ESRRG: variants seen among roughly 807,000 people sequenced by gnomAD.
ESRRG encodes estrogen related receptor gamma.
A neutral mutation model predicts 44.0 loss-of-function variants in ESRRG; 13 were observed. That is an observed-to-expected ratio of 0.30 (90% CI 0.19 to 0.47). ESRRG has a LOEUF of 0.47. Ranked by LOEUF, ESRRG falls within the 20% of genes least tolerant of loss-of-function variation. The pLI, the probability that ESRRG is intolerant of heterozygous loss-of-function variation, is 1.00. For missense variants in ESRRG, 395 were observed against 580.6 expected (o/e 0.68, Z 3.29); for synonymous variants, 215 against 214.6 (o/e 1.00, Z -0.02).
At chr1:216,979,363 C>T (rs764583101) in intron 1 of ESRRG, among the ~76,000 whole-genome samples, 1 of 152,146 alleles carries the variant, frequency 6.6e-6, no homozygotes, top group Non-Finnish European at 1.5e-5. Context: ...AGCCACAATA[C>T]CGTATGCATT....
intron 2 of ESRRG, among the ~76,000 whole-genome samples, chr1:216,673,157 G>A (rs987589770): frequency 1.3e-5 from 2 of 152,174 alleles, no homozygotes; most frequent in African/African-American, 4.8e-5. Flanking sequence ...CTGAAGGCAT[G>A]AGAATGAACT....
In ESRRG at chr1:216,851,082, T is replaced by C. The variant is rs543961205; in HGVS notation, c.-14+88500A>G. On this transcript the variant is annotated intron_variant, in intron 2 of 7. Coordinates refer to the ESRRG transcript ENST00000359162. ...CTCCACCAACATGATATTTTGTTTT[T>C]ATTGAATACATTCTATACTACCTAT... Among the ~76,000 whole-genome samples, 17 of 151,032 alleles carry C rather than the reference T, an allele frequency of 1.1e-4. No individual in the cohort carries two copies. In the South Asian group the frequency reaches 3.6e-3, roughly 32 times the overall value.
upstream of ESRRG, among the ~76,000 whole-genome samples, chr1:216,725,380 A>T (rs2087291194): frequency 6.6e-6 from 1 of 152,176 alleles, no homozygotes; most frequent in Admixed American, 6.5e-5. Flanking sequence ...GGTTGTGAGC[A>T]GTGAATTAAA....
chr1:216,560,385 A>T (rs1199226888), intron 5 of ESRRG, among the ~76,000 whole-genome samples: 1 of 152,074 alleles, frequency 6.6e-6, no homozygotes. Context: ...AACAAAGACA[A>T]TTTTTTCTAA....
chr1:216,723,203 C>T (rs1471886773), intron 1 of ESRRG, 41 bp downstream of exon 1: 5 of 1,542,356 alleles, frequency 3.2e-6, no homozygotes, highest in Admixed American at 1.7e-5. Context: ...ACCCCCGCAC[C>T]CCCACGACGA....
chr1:216,749,271 C>T (rs11572653), intron 2 of ESRRG, among the ~76,000 whole-genome samples: 22,744 of 151,974 alleles, frequency 0.15, 2,025 homozygotes, highest in South Asian at 0.31. Flanking sequence ...GACCAATGCT[C>T]CCCATGGTTT....
chr1:217,023,513 T>A (rs1449946815), intron 1 of ESRRG, among the ~76,000 whole-genome samples: 1 of 152,060 alleles, frequency 6.6e-6, no homozygotes, highest in Non-Finnish European at 1.5e-5. Context: ...CCCTTTGGAG[T>A]GAGGGTGGGT....
At position 216,824,931 on chromosome 1, in the gene ESRRG, C is replaced by T. The variant is rs114608175; in HGVS notation, c.-14+114651G>A. 4.0e-3 allele frequency among the ~76,000 whole-genome samples: 611 copies of T among 152,316 alleles called. 3 individuals carry two copies. The highest frequency in any genetic ancestry group is 0.014 in the African/African-American group (590 of 41,568). ...ACAATGTTTTAAAAACATATAATCA[C>T]TATCTGTCTGCATGTAGTCTTGCTT... On this transcript the variant is annotated intron_variant, in intron 2 of 7. Coordinates refer to the ESRRG transcript ENST00000359162.
At chr1:216,691,814 C>G (rs562318234) in intron 1 of ESRRG, among the ~76,000 whole-genome samples, 4 of 152,278 alleles carry the variant, frequency 2.6e-5, no homozygotes, top group South Asian at 4.2e-4. Flanking sequence ...TATCATGCAT[C>G]ATGTAACAAC....
chr1:216,801,103 A>G (rs1372391721), intron 2 of ESRRG, among the ~76,000 whole-genome samples: 4 of 152,154 alleles, frequency 2.6e-5, no homozygotes, highest in Non-Finnish European at 5.9e-5. Flanking sequence ...CCCATTTTTT[A>G]TTGATTGCAA....
At chr1:216,837,492 C>A (rs1274316073) in intron 2 of ESRRG, among the ~76,000 whole-genome samples, 1 of 152,002 alleles carries the variant, frequency 6.6e-6, no homozygotes, top group African/African-American at 2.4e-5. Context: ...AATAAATGTG[C>A]TGATGTCTAA....
chr1:216,534,489 G>A (rs888638373), intron 5 of ESRRG, among the ~76,000 whole-genome samples: 2 of 151,982 alleles, frequency 1.3e-5, no homozygotes, highest in Non-Finnish European at 2.9e-5. Flanking sequence ...TCTCTTTCAT[G>A]GATATTAATA....
At chr1:217,109,850 A>C (rs887745758) in intron 1 of ESRRG, among the ~76,000 whole-genome samples, 1 of 152,242 alleles carries the variant, frequency 6.6e-6, no homozygotes, top group Non-Finnish European at 1.5e-5. Context: ...AAATGGCCAC[A>C]GTTCATATTT....
intron 2 of ESRRG, among the ~76,000 whole-genome samples, chr1:216,824,041 G>A (rs547127913): frequency 6.6e-6 from 1 of 152,130 alleles, no homozygotes; most frequent in African/African-American, 2.4e-5. Context: ...CACCAGTAAT[G>A]ATGAAGCAAA....
upstream of ESRRG, among the ~76,000 whole-genome samples, chr1:216,724,546 AC>A (rs1347021946): frequency 1.3e-5 from 2 of 152,064 alleles, no homozygotes; most frequent in Admixed American, 6.6e-5. Context: ...TACATAAGGC[AC>A]CCTATATGCT....
chr1:216,562,633 GGGCAGCCCCTCAT>G (rs1464033553), intron 5 of ESRRG, among the ~76,000 whole-genome samples: 1 of 151,994 alleles, frequency 6.6e-6, no homozygotes. Flanking sequence ...CAATGAACAA[GGGCAGCCCCTCAT>G]GACAATTATC....
At chr1:216,854,752 T>G (rs761879233) in intron 2 of ESRRG, among the ~76,000 whole-genome samples, 14 of 152,188 alleles carry the variant, frequency 9.2e-5, no homozygotes, top group Non-Finnish European at 1.8e-4. Context: ...AAGCATTGTT[T>G]ACTACACATT....
At position 217,012,043 on chromosome 1, in the gene ESRRG, T is replaced by G. The variant is rs113460378; in HGVS notation, c.-105-72370A>C. Among the ~76,000 whole-genome samples the G allele has an allele frequency of 4.4e-3, 673 of 152,302 alleles. 3 individuals are homozygous for G. The highest frequency in any genetic ancestry group is 0.016 in the African/African-American group (655 of 41,578). ...GAAATGCATGCAATTGAAAAGGGAC[T>G]CTTTTTAAGAAGATGAGTACACAAA... On this transcript the variant is annotated intron_variant, in intron 1 of 7. Coordinates refer to the ESRRG transcript ENST00000359162.
intron 2 of ESRRG, among the ~76,000 whole-genome samples, chr1:216,787,861 G>A (rs2094183608): frequency 6.6e-6 from 1 of 152,002 alleles, no homozygotes; most frequent in African/African-American, 2.4e-5. Context: ...ACGTGAAGCA[G>A]CCTTATTGCT....
Sources: gnomAD v4.1 joint callset for allele counts (sites outside exome capture counted in the v4.1 genomes callset) on GRCh38, gnomAD v4.1.1 for gene constraint, MANE v1.5 for transcripts, NCBI Gene and HGNC (gene_info 2026-07-23, HGNC 2026-07-21) for gene names.